TP53INP2: variants seen among roughly 807,000 people sequenced by gnomAD.
TP53INP2 encodes tumor protein p53 inducible nuclear protein 2.
A neutral mutation model predicts 17.1 loss-of-function variants in TP53INP2; 12 were observed. That is an observed-to-expected ratio of 0.70 (90% CI 0.45 to 1.14). The LOEUF (loss-of-function observed/expected upper bound fraction) is 1.14, where lower values mean the gene tolerates loss of function less well. Ranked by LOEUF, TP53INP2 falls within the 50% of genes most tolerant of loss-of-function variation. The pLI is 0.00. For missense variants in TP53INP2, 342 were observed against 330.9 expected, an observed-to-expected ratio of 1.03 and a Z score of -0.26; for synonymous variants, 145 against 147.3, an observed-to-expected ratio of 0.98 and a Z score of 0.12.
In TP53INP2 at chr20:34,712,617, G is replaced by A. The variant is rs1048939115; in HGVS notation, c.*2310G>A. The stretch of plus-strand genomic sequence containing the variant: ...GCATCAGCCCTTGTCATACTGTATT[G>A]ACTGTGTACGTGCCTTTCACCTTGA... On this transcript the variant is annotated 3_prime_UTR_variant, in exon 5 of 5. Transcript: ENST00000374810. 6.6e-6 allele frequency: 1 copy of A among 152,548 alleles called. No homozygotes were observed. The highest frequency in any genetic ancestry group is 1.5e-5 in the Non-Finnish European group (1 of 68,046). The allele number at this position is 152,548 out of a possible 1,614,324, so 9.4% of individuals were successfully genotyped here. A position where few individuals can be genotyped will look rare whatever the true frequency, so the allele number is the denominator to read the frequency against.
Position 34,709,598 on chromosome 20 carries a change from TG to T in TP53INP2, c.413+78del. The T allele has an allele frequency of 6.7e-7, 1 of 1,483,704 alleles. No individual in the cohort carries two copies. The highest frequency in any genetic ancestry group is 2.4e-5 in the Admixed American group (1 of 41,200). 91.9% of individuals were successfully genotyped at this position (1,483,704 alleles called of 1,614,324 possible). A position where few individuals can be genotyped will look rare whatever the true frequency, so the allele number is the denominator to read the frequency against. On this transcript the variant is annotated intron_variant, in intron 4 of 4. Coordinates refer to ENST00000374810, the MANE Select transcript of TP53INP2 (RefSeq NM_021202.3). The surrounding 1 kb of genome is among the most constrained non-coding windows in gnomAD (Gnocchi z 5.4). The stretch of plus-strand genomic sequence containing the variant: ...GAGGCCAGGGTCCAGGCTAGGAGGC[TG>T]GGGTAGTGGGGCCAGGAGCCCGCCC...
In TP53INP2 at chr20:34,709,285, C is replaced by CCGCCCTCCGCCCG; in HGVS notation, c.183_195dup (p.Leu66AlafsTer71). On this transcript the variant is annotated frameshift_variant, in exon 4 of 5. Transcript: ENST00000374810. LOFTEE classifies it high-confidence loss of function. The surrounding 1 kb of genome is among the most constrained non-coding windows in gnomAD (Gnocchi z 5.4). ...CCGGGGCCGCCCCTGCCCCCGCGGG[C>CCGCCCTCCGCCCG]CGCCCTCCGCCCGCGCCCTCCTTGA... 10 of 1,605,686 alleles carry CCGCCCTCCGCCCG rather than the reference C, an allele frequency of 6.2e-6. No individual in the cohort carries two copies. The highest frequency in any genetic ancestry group is 7.7e-6 in the Non-Finnish European group (9 of 1,176,156).
At chr20:34,708,901 T>C (rs566306970) in intron 3 of TP53INP2, 38 bp downstream of exon 3, 2 of 1,600,622 alleles carry the variant, frequency 1.2e-6, no homozygotes, top group Non-Finnish European at 1.7e-6. Context: ...TGTGAAGTCA[T>C]TCTAAGGGCA....
chr20:34,704,452 A>G lies in TP53INP2; in HGVS notation c.-227A>G, dbSNP rs1257134176. ...CGGCCCGGCCTGTGAGCGGCCGGCG[A>G]CCCTGGGACGCCCCGCCGCACAACT... On this transcript the variant is annotated 5_prime_UTR_variant, in exon 1 of 5. Transcript: ENST00000374810. The G allele has an allele frequency of 6.6e-6, 1 of 150,988 alleles. No individual in the cohort carries two copies. Among genetic ancestry groups the G allele is most frequent in the East Asian group, 2.0e-4 (1 of 5,104 alleles). 9.4% of individuals were successfully genotyped at this position (150,988 alleles called of 1,614,324 possible).
chr20:34,708,427 G>A (rs1600693492), intron 2 of TP53INP2, among the ~76,000 whole-genome samples: 1 of 151,966 alleles, frequency 6.6e-6, no homozygotes, highest in Non-Finnish European at 1.5e-5. Flanking sequence ...AGAGCCCGGA[G>A]GAAGGTACTA....
At chr20:34,704,725 G>T (rs1019793567) in intron 1 of TP53INP2, 1 of 152,242 alleles carries the variant, frequency 6.6e-6, no homozygotes, top group African/African-American at 2.4e-5. Context: ...CCACAGGCTC[G>T]GGTCGCTTGT....
Position 34,709,353 on chromosome 20 carries a change from C to A in TP53INP2, c.242C>A (p.Ala81Glu). The A allele has an allele frequency of 6.2e-7, 1 of 1,613,636 alleles. No homozygotes were observed. Among genetic ancestry groups the A allele is most frequent in the Non-Finnish European group, 8.5e-7 (1 of 1,179,828 alleles). ...GTTACCCCTCCCGCCTGTTTTACGG[C>A]AGAGGGGCCTGGACTCGGTCCCGCC... Reference protein sequence around the residue: ...WFVTPPACFTAEGPGLGPARL... With the variant: ...WFVTPPACFTEEGPGLGPARL... Residue 81 changes from alanine (A) to glutamate (E), a missense_variant, in exon 4 of 5, where the codon GCA (alanine) becomes GAA (glutamate). By Grantham distance (107) the Ala-to-Glu change is moderately radical (BLOSUM62 -1). Coordinates refer to ENST00000374810, the MANE Select transcript of TP53INP2 (RefSeq NM_021202.3). This position sits in a 1 kb window ranked among gnomAD's most constrained non-coding sequence, Gnocchi z 5.4.
Position 34,710,193 on chromosome 20 carries a change from G to T in TP53INP2, c.549G>T (p.Ala183=). 1 of 1,424,274 alleles carries T rather than the reference G, an allele frequency of 7.0e-7. No individual in the cohort carries two copies. The allele number at this position is 1,424,274 out of a possible 1,614,324, so 88.2% of individuals were successfully genotyped here. The part of the protein sequence containing the change: ...QRARQRAERH[A]LSAKAVQRQN... ...CCCGGCAGCGGGCAGAGCGCCACGC[G>T]CTGAGCGCCAAGGCGGTGCAGCGGC... is the stretch of plus-strand genomic sequence containing the variant. Residue 183 remains alanine, a synonymous_variant, in exon 5 of 5, where the codon GCG becomes GCT. Coordinates refer to ENST00000374810, the MANE Select transcript of TP53INP2 (RefSeq NM_021202.3). This position sits in a 1 kb window ranked among gnomAD's most constrained non-coding sequence, Gnocchi z 4.9.
At chr20:34,706,375 G>C (rs956171478) in intron 2 of TP53INP2, among the ~76,000 whole-genome samples, 7 of 152,164 alleles carry the variant, frequency 4.6e-5, no homozygotes, top group African/African-American at 1.4e-4. Context: ...GAATATGATG[G>C]TCCCTGAAAC....
chr20:34,710,146 C>A lies in TP53INP2; in HGVS notation c.502C>A (p.Gln168Lys). 1 of 1,275,176 alleles carries A rather than the reference C, an allele frequency of 7.8e-7. No homozygotes were observed. Among genetic ancestry groups the A allele is most frequent in the Non-Finnish European group, 9.9e-7 (1 of 1,009,954 alleles). 79.0% of individuals were successfully genotyped at this position (1,275,176 alleles called of 1,614,324 possible). The change falls in exon 5 of 5, where the codon CAG becomes AAG. Residue 168 changes from glutamine to lysine, a missense_variant. Transcript: ENST00000374810. This position sits in a 1 kb window ranked among gnomAD's most constrained non-coding sequence, Gnocchi z 4.9. The stretch of plus-strand genomic sequence containing the variant: ...GGCGGCGCTGCTGGAGAAGGCGGGC[C>A]AGGTGCGGCGGCTGCAGCGGGCCCG... The part of the protein sequence containing the change: ...ARAALLEKAG[Q>K]VRRLQRARQR...
Position 34,710,080 on chromosome 20 carries a change from G to C in TP53INP2, c.436G>C (p.Glu146Gln), listed in dbSNP as rs547430361. 1.9e-4 allele frequency: 247 copies of C among 1,275,932 alleles called. No individual in the cohort carries two copies. The African/African-American group carries it at 3.4e-3, about 17-fold the overall frequency. The allele number at this position is 1,275,932 out of a possible 1,614,324, so 79.0% of individuals were successfully genotyped here. The part of the protein sequence containing the change: ...SEGELTPARR[E>Q]PRAARHAAPL... ...CAGGGAATTGACGCCCGCCCGCCGCGAGCCGCGGGCCGCGCGCCACGCCGC... is the reference window on the plus strand; with the variant it reads ...CAGGGAATTGACGCCCGCCCGCCGCCAGCCGCGGGCCGCGCGCCACGCCGC... The change falls in exon 5 of 5, where the codon GAG becomes CAG. Residue 146 changes from glutamate (E) to glutamine (Q), a missense_variant. Physicochemically the swap from Glu to Gln is conservative, Grantham distance 29 (BLOSUM62 2). Coordinates refer to ENST00000374810, the MANE Select transcript of TP53INP2 (RefSeq NM_021202.3). The surrounding 1 kb of genome is among the most constrained non-coding windows in gnomAD (Gnocchi z 4.9).
rs1407650527 is a variant in TP53INP2 at position 34,709,542 on chromosome 20, G to A, written c.413+18G>A. The A allele has an allele frequency of 6.3e-7, 1 of 1,595,760 alleles. No individual in the cohort carries two copies. Among genetic ancestry groups the A allele is most frequent in the Non-Finnish European group, 8.5e-7 (1 of 1,176,370 alleles). On this transcript the variant is annotated intron_variant, in intron 4 of 4. Coordinates refer to ENST00000374810, the MANE Select transcript of TP53INP2 (RefSeq NM_021202.3). This position sits in a 1 kb window ranked among gnomAD's most constrained non-coding sequence, Gnocchi z 5.4. ...AGCGAAGGGTGAGCGGGCCGGGGGC[G>A]GAGCCTGGAGGCCCAGGGAGACGGA...
At chr20:34,707,250 C>G (rs1307429015) in intron 2 of TP53INP2, among the ~76,000 whole-genome samples, 1 of 152,164 alleles carries the variant, frequency 6.6e-6, no homozygotes, top group Non-Finnish European at 1.5e-5. Context: ...TGCCCTTGAA[C>G]AGGAGCCTGG....
At position 34,710,236 on chromosome 20, in the gene TP53INP2, AGC is replaced by A; in HGVS notation, c.593_594del (p.Ser198ThrfsTer55). On this transcript the variant is annotated frameshift_variant, in exon 5 of 5. Transcript: ENST00000374810. LOFTEE classifies it high-confidence loss of function. This position sits in a 1 kb window ranked among gnomAD's most constrained non-coding sequence, Gnocchi z 4.9. Reference protein sequence around the residue: ...AVQRQNRARESRPRRSKNQSS... With the variant: ...AVQRQNRAREXRPRRSKNQSS... The stretch of plus-strand genomic sequence containing the variant: ...GCAGCGGCAGAACCGAGCCCGCGAG[AGC>A]CGTCCGCGCCGGTCCAAGAACCAGA... 1 of 1,484,196 alleles carries A rather than the reference AGC, an allele frequency of 6.7e-7. No homozygotes were observed. Among genetic ancestry groups the A allele is most frequent in the South Asian group, 1.3e-5 (1 of 75,168 alleles). The allele number at this position is 1,484,196 out of a possible 1,614,324, so 91.9% of individuals were successfully genotyped here.
In TP53INP2 at chr20:34,710,499, C is replaced by A; in HGVS notation, c.*192C>A. ...TGCCTCTGAACCCATTCACCCTTCA[C>A]CCTCACTCCTGGTCCCCATACCCAG... On this transcript the variant is annotated 3_prime_UTR_variant, in exon 5 of 5. Transcript: ENST00000374810. The surrounding 1 kb of genome is among the most constrained non-coding windows in gnomAD (Gnocchi z 4.9). 1.8e-6 allele frequency: 1 copy of A among 540,564 alleles called. No homozygotes were observed. Among genetic ancestry groups the A allele is most frequent in the Non-Finnish European group, 2.8e-6 (1 of 356,802 alleles). 33.5% of individuals were successfully genotyped at this position (540,564 alleles called of 1,614,324 possible). A position where few individuals can be genotyped will look rare whatever the true frequency, so the allele number is the denominator to read the frequency against.
chr20:34,707,559 A>G (rs1189047209), intron 2 of TP53INP2, among the ~76,000 whole-genome samples: 1 of 152,174 alleles, frequency 6.6e-6, no homozygotes, highest in African/African-American at 2.4e-5. Context: ...ACACCCAGAA[A>G]AGGCAATAGA....
chr20:34,708,677 C>G lies in TP53INP2; in HGVS notation c.-49-14C>G, dbSNP rs1988055929. ...CTCAATCAGTGGTGGCTCTCACGTC[C>G]TTCTGATTCCCAGGTTTTTGCACTG... On this transcript the variant is annotated splice_polypyrimidine_tract_variant and intron_variant, in intron 2 of 4. Coordinates refer to ENST00000374810, the MANE Select transcript of TP53INP2 (RefSeq NM_021202.3). The G allele has an allele frequency of 6.6e-7, 1 of 1,523,606 alleles. No individual in the cohort carries two copies. Among genetic ancestry groups the G allele is most frequent in the Admixed American group, 2.0e-5 (1 of 50,598 alleles). 94.4% of individuals were successfully genotyped at this position (1,523,606 alleles called of 1,614,324 possible). A position where few individuals can be genotyped will look rare whatever the true frequency, so the allele number is the denominator to read the frequency against.
chr20:34,706,337 G>T (rs907361495), intron 2 of TP53INP2, among the ~76,000 whole-genome samples: 1 of 152,146 alleles, frequency 6.6e-6, no homozygotes, highest in African/African-American at 2.4e-5. Context: ...TCTTCTTTCT[G>T]ATCATCAGAT....
intron 2 of TP53INP2, among the ~76,000 whole-genome samples, chr20:34,707,538 A>T (rs1355985437): frequency 5.3e-5 from 8 of 152,152 alleles, no homozygotes; most frequent in African/African-American, 1.9e-4. Context: ...GAAAATATCA[A>T]ATTCAGACAG....
Sources: gnomAD v4.1 joint callset for allele counts (sites outside exome capture counted in the v4.1 genomes callset) on GRCh38, gnomAD v4.1.1 for gene constraint, Gnocchi (gnomAD v3.1) non-coding constraint, MANE v1.5 for transcripts, NCBI Gene and HGNC (gene_info 2026-07-23, HGNC 2026-07-21) for gene names.